The following TNKS variants were observed in gnomAD, a reference collection of about 807,000 sequenced individuals.
TNKS encodes the protein poly [ADP-ribose] polymerase tankyrase-1.
In TNKS, 72 loss-of-function variants were observed where a neutral mutation model predicts 135.8. That is an observed-to-expected ratio of 0.53 (90% CI 0.44 to 0.64). The LOEUF (loss-of-function observed/expected upper bound fraction) is 0.64, where lower values mean the gene tolerates loss of function less well. Ranked by LOEUF, TNKS falls within the 30% of genes least tolerant of loss-of-function variation. The probability of loss-of-function intolerance (pLI) is 0.00; values close to 1 mark genes in which losing one functional copy is unlikely to be tolerated. For missense variants in TNKS, 1,769 were observed against 1,674.0 expected (o/e 1.06, Z -0.99); for synonymous variants, 849 against 649.3 (o/e 1.31, Z -4.68).
chr8:9,574,196 T>TG (rs1286159226), intron 1 of TNKS, among the ~76,000 whole-genome samples: 1 of 152,234 alleles, frequency 6.6e-6, no homozygotes, highest in African/African-American at 2.4e-5. Flanking sequence ...ATGAACTGTT[T>TG]GGGGAAAGAA....
intron 1 of TNKS, among the ~76,000 whole-genome samples, chr8:9,567,966 T>G (rs1444955217): frequency 6.6e-6 from 1 of 152,224 alleles, no homozygotes; most frequent in Admixed American, 6.5e-5. Flanking sequence ...GGTATCATAG[T>G]GGACATTTTA....
intron 3 of TNKS, among the ~76,000 whole-genome samples, chr8:9,667,200 T>C (rs1357960800): frequency 1.3e-5 from 2 of 152,228 alleles, no homozygotes; most frequent in Non-Finnish European, 2.9e-5. Flanking sequence ...TTATGTGAAG[T>C]ATTTATATTG....
chr8:9,615,393 G>T, intron 2 of TNKS, 189 bp from the exon 3 acceptor site: 1 of 452,934 alleles, frequency 2.2e-6, no homozygotes. Flanking sequence ...ACCATAAGTT[G>T]CCAACTTCAT....
At chr8:9,649,427 T>A (rs972082039) in intron 3 of TNKS, among the ~76,000 whole-genome samples, 7 of 152,222 alleles carry the variant, frequency 4.6e-5, no homozygotes, top group Non-Finnish European at 7.3e-5. Flanking sequence ...GAATATAAAG[T>A]AAGTTACACT....
chr8:9,671,630 G>A (rs1563157582), intron 3 of TNKS, among the ~76,000 whole-genome samples: 1 of 152,114 alleles, frequency 6.6e-6, no homozygotes, highest in East Asian at 1.9e-4. Context: ...TTTCAGAGGG[G>A]CCTGACTTTT....
intron 2 of TNKS, among the ~76,000 whole-genome samples, chr8:9,598,615 G>T (rs1014251154): frequency 4.6e-5 from 7 of 151,034 alleles, no homozygotes; most frequent in Non-Finnish European, 1.0e-4. Context: ...AGGATCAACT[G>T]AGCCAGTGAT....
chr8:9,684,070 A>G (rs1802890795), intron 5 of TNKS, among the ~76,000 whole-genome samples: 1 of 151,970 alleles, frequency 6.6e-6, no homozygotes, highest in Non-Finnish European at 1.5e-5. Flanking sequence ...TTTTAGAAAC[A>G]TAGGGACATA....
intron 3 of TNKS, among the ~76,000 whole-genome samples, chr8:9,679,171 G>T (rs1802668449): frequency 6.6e-6 from 1 of 152,130 alleles, no homozygotes; most frequent in African/African-American, 2.4e-5. Context: ...TGTCGCAGTA[G>T]TTAGATATCT....
chr8:9,720,836 C>G (rs1193590077), intron 12 of TNKS, among the ~76,000 whole-genome samples: 1 of 152,190 alleles, frequency 6.6e-6, no homozygotes, highest in African/African-American at 2.4e-5. Flanking sequence ...ATTATGGTAG[C>G]TATAAAATCT....
chr8:9,693,812 T>C (rs1803388209), intron 5 of TNKS, among the ~76,000 whole-genome samples: 1 of 152,210 alleles, frequency 6.6e-6, no homozygotes, highest in South Asian at 2.1e-4. Flanking sequence ...CCTGATAGCA[T>C]ATGCACACGC....
intron 11 of TNKS, 79 bp downstream of exon 11, chr8:9,710,299 AT>A (rs747708812): frequency 7.4e-7 from 1 of 1,349,504 alleles, no homozygotes; most frequent in Admixed American, 1.8e-5. Context: ...TCTCTCTCCG[AT>A]TTTTCTGAAG....
rs1327768853 is a variant in TNKS, at chr8:9,594,980, T to G, written c.898+14597T>G. 3.9e-5 allele frequency among the ~76,000 whole-genome samples: 6 copies of G among 152,222 alleles called. No individual in the cohort carries two copies. In the South Asian group the frequency reaches 1.2e-3, roughly 32 times the overall value. Reference sequence around the variant, plus strand: ...AAGTCATTTCTCACACCTTCTTTACTGTTTGCAAAAATTAGTTGAAAATTC... The same window carrying G: ...AAGTCATTTCTCACACCTTCTTTACGGTTTGCAAAAATTAGTTGAAAATTC... On this transcript the variant is annotated intron_variant, in intron 2 of 26. Transcript: ENST00000310430.
At chr8:9,692,523 T>C (rs901377737) in intron 5 of TNKS, among the ~76,000 whole-genome samples, 2 of 152,208 alleles carry the variant, frequency 1.3e-5, no homozygotes, top group Non-Finnish European at 2.9e-5. Flanking sequence ...GATGAGACTA[T>C]ATCTGTCGTT....
In TNKS at chr8:9,631,442, TG is replaced by T. The variant is rs1156641452; in HGVS notation, c.994+15767del. Among the ~76,000 whole-genome samples, 5 of 152,358 alleles carry T rather than the reference TG, an allele frequency of 3.3e-5. No homozygotes were observed. The East Asian group carries it at 9.6e-4, about 29-fold the overall frequency. ...AATGTACTGATGAAAAAGAAGCCAT[TG>T]GTAATTATTCTATAAAATAAGTTAT... On this transcript the variant is annotated intron_variant, in intron 3 of 26. Coordinates refer to ENST00000310430, the MANE Select transcript of TNKS (RefSeq NM_003747.3).
chr8:9,620,782 G>T (rs73523205), intron 3 of TNKS, among the ~76,000 whole-genome samples: 172 of 152,304 alleles, frequency 1.1e-3, no homozygotes, highest in African/African-American at 3.9e-3. Context: ...ACGGCTTCTT[G>T]TCCCTGGTGC....
At chr8:9,648,088 GACTGGAAGTTGACTC>G in intron 3 of TNKS, among the ~76,000 whole-genome samples, 1 of 152,306 alleles carries the variant, frequency 6.6e-6, no homozygotes, top group African/African-American at 2.4e-5. Flanking sequence ...GAGCTTGCGG[GACTGGAAGTTGACTC>G]ACTGGGTGAG....
intron 1 of TNKS, 104 bp from the exon 2 acceptor site, chr8:9,580,055 C>CAGT: frequency 3.4e-6 from 3 of 874,336 alleles, no homozygotes; most frequent in East Asian, 2.5e-5. Flanking sequence ...CTATAGAGTG[C>CAGT]AGTACTTCAG....
At chr8:9,736,298 G>A (rs1000458148) in intron 17 of TNKS, among the ~76,000 whole-genome samples, 24 of 146,228 alleles carry the variant, frequency 1.6e-4, no homozygotes, top group Admixed American at 7.7e-4. Flanking sequence ...TGGGAAGATC[G>A]CTTGAGCCCA....
rs182201519 is a variant in TNKS at position 9,767,089 on chromosome 8, A to G, written c.3740+664A>G. 4.3e-3 allele frequency among the ~76,000 whole-genome samples: 658 copies of G among 152,314 alleles called. 8 individuals are homozygous for G. The highest frequency in any genetic ancestry group is 0.015 in the African/African-American group (629 of 41,564). ...GAACTGCTAGCTCTAGTCACATTTG[A>G]ATGAAGACACACTTCTATAAAAAAC... is the stretch of plus-strand genomic sequence containing the variant. On this transcript the variant is annotated intron_variant, in intron 25 of 26. Transcript: ENST00000310430.
Sources: allele counts gnomAD v4.1 joint callset (sites outside exome capture counted in the v4.1 genomes callset), GRCh38; gene constraint gnomAD v4.1.1; transcripts MANE v1.5; gene names NCBI Gene and HGNC (gene_info 2026-07-23, HGNC 2026-07-21).